Variants in PCNX2 observed in about 807,000 individuals in gnomAD.
The protein encoded by PCNX2 is pecanex 2.
A neutral mutation model predicts 223.8 loss-of-function variants in PCNX2; 168 were observed. The ratio of observed to expected loss-of-function variants is 0.75; its 90% CI spans 0.66 to 0.85. The LOEUF is 0.85. Ranked by LOEUF, PCNX2 falls within the 40% of genes least tolerant of loss-of-function variation. The pLI is 0.00. For missense variants in PCNX2, 2,507 were observed against 2,675.5 expected (o/e 0.94, Z 1.39); for synonymous variants, 1,006 against 1,052.6 (o/e 0.96, Z 0.86).
intron 10 of PCNX2, among the ~76,000 whole-genome samples, chr1:233,224,228 C>A (rs541799920): frequency 6.6e-6 from 1 of 152,086 alleles, no homozygotes; most frequent in Non-Finnish European, 1.5e-5. Flanking sequence ...GAAAATAAAC[C>A]CTCAGTGTTT....
the PCNX2 span, among the ~76,000 whole-genome samples, chr1:233,308,228 G>A: frequency 6.6e-6 from 1 of 152,066 alleles, no homozygotes; most frequent in Non-Finnish European, 1.5e-5. Flanking sequence ...AGGCCGAGAC[G>A]GGCAGATCAT....
At position 233,253,169 on chromosome 1, in the gene PCNX2, A is replaced by G. The variant is rs996455540; in HGVS notation, c.1835-381T>C. ...ATAACTTCAGATTTTAAAAAATTAC[A>G]AAAACAAATCTGGCTATTTCAGAAC... On this transcript the variant is annotated intron_variant, in intron 5 of 33. Coordinates refer to ENST00000258229, the MANE Select transcript of PCNX2 (RefSeq NM_014801.4). The surrounding 1 kb of genome is among the most constrained non-coding windows in gnomAD (Gnocchi z 4.2). 5.9e-5 allele frequency among the ~76,000 whole-genome samples: 9 copies of G among 152,376 alleles called. No homozygotes were observed. In the East Asian group the frequency reaches 1.5e-3, roughly 26 times the overall value.
intron 27 of PCNX2, among the ~76,000 whole-genome samples, chr1:233,015,011 C>T (rs1670601111): frequency 6.6e-6 from 1 of 152,128 alleles, no homozygotes; most frequent in Non-Finnish European, 1.5e-5. Flanking sequence ...AAAGGGCCTA[C>T]AATGTGGGCT....
intron 1 of PCNX2, among the ~76,000 whole-genome samples, chr1:233,273,608 A>G (rs1390271381): frequency 6.6e-6 from 1 of 151,272 alleles, no homozygotes; most frequent in African/African-American, 2.4e-5. Context: ...GTGGTTTTCA[A>G]TAAAAGAGAA....
intron 25 of PCNX2, 88 bp from the exon 26 acceptor site, chr1:233,025,487 G>C: frequency 1.3e-6 from 2 of 1,521,106 alleles, no homozygotes; most frequent in Non-Finnish European, 1.8e-6. Flanking sequence ...TTCATCAGAG[G>C]GGAAGAGGCT....
chr1:233,221,189 G>A (rs970550106), intron 10 of PCNX2, among the ~76,000 whole-genome samples: 2 of 88,604 alleles, frequency 2.3e-5, no homozygotes, highest in Non-Finnish European at 4.6e-5. Context: ...GGCTCAAGTT[G>A]AATTTTTTTT....
chr1:233,222,584 G>A (rs1657448067), intron 10 of PCNX2, among the ~76,000 whole-genome samples: 1 of 152,110 alleles, frequency 6.6e-6, no homozygotes, highest in Admixed American at 6.5e-5. Context: ...GATAGAAGCA[G>A]GGAAGATGCT....
At position 233,139,936 on chromosome 1, in the gene PCNX2, T is replaced by TC; in HGVS notation, c.3518-82dup. On this transcript the variant is annotated intron_variant, in intron 19 of 33. Coordinates refer to ENST00000258229, the MANE Select transcript of PCNX2 (RefSeq NM_014801.4). The surrounding 1 kb of genome is among the most constrained non-coding windows in gnomAD (Gnocchi z 4.4). The stretch of plus-strand genomic sequence containing the variant: ...AAGTACAGGTAATAATAAGTAATAT[T>TC]CCCCCCCTTTAATTCAAAAGCTGCT... The TC allele has an allele frequency of 6.8e-6, 10 of 1,473,418 alleles. 1 individual carries two copies. Among genetic ancestry groups the TC allele is most frequent in the South Asian group, 4.1e-5 (3 of 72,730 alleles). 91.3% of individuals were successfully genotyped at this position (1,473,418 alleles called of 1,614,324 possible).
chr1:233,129,391 C>T (rs1164626253), intron 21 of PCNX2, among the ~76,000 whole-genome samples: 1 of 152,214 alleles, frequency 6.6e-6, no homozygotes, highest in Non-Finnish European at 1.5e-5. Flanking sequence ...GCTTCCCCCA[C>T]CCCGCCCCGC....
At chr1:233,128,630 C>T (rs908649569) in intron 21 of PCNX2, among the ~76,000 whole-genome samples, 3 of 152,140 alleles carry the variant, frequency 2.0e-5, no homozygotes, top group Non-Finnish European at 2.9e-5. Flanking sequence ...CCACTGTGCC[C>T]GGCCAACTAT....
intron 21 of PCNX2, among the ~76,000 whole-genome samples, chr1:233,130,604 C>T (rs1212142176): frequency 6.6e-6 from 1 of 151,874 alleles, no homozygotes. Flanking sequence ...CCTGCCTCAG[C>T]CTCCTGAGTA....
chr1:233,290,056 A>G (rs537607500), intron 1 of PCNX2, among the ~76,000 whole-genome samples: 2 of 151,122 alleles, frequency 1.3e-5, no homozygotes, highest in East Asian at 3.9e-4. Context: ...GGAGGAAGGA[A>G]GGGTGGTCAA....
intron 21 of PCNX2, among the ~76,000 whole-genome samples, chr1:233,129,131 G>A (rs1212154369): frequency 4.1e-5 from 6 of 144,772 alleles, no homozygotes; most frequent in Admixed American, 6.9e-5. Flanking sequence ...AGGGAGAGGC[G>A]TGGGCGGGAA....
intron 20 of PCNX2, among the ~76,000 whole-genome samples, chr1:233,136,995 T>C (rs775084625): frequency 5.9e-5 from 9 of 152,224 alleles, no homozygotes; most frequent in Middle Eastern, 3.2e-3. Flanking sequence ...CTGTGGGAGA[T>C]CTTAAGGACT....
the PCNX2 span, among the ~76,000 whole-genome samples, chr1:233,318,569 T>C: frequency 3.2e-4 from 43 of 133,364 alleles, no homozygotes; most frequent in Middle Eastern, 4.4e-3. Flanking sequence ...TTTTCTTTTT[T>C]TTTTTTTTTT....
chr1:233,121,898 G>A (rs1675816933), intron 21 of PCNX2, among the ~76,000 whole-genome samples: 1 of 152,126 alleles, frequency 6.6e-6, no homozygotes, highest in Non-Finnish European at 1.5e-5. Flanking sequence ...TTTCAGCTGA[G>A]AATGCCTAGA....
rs1228688959 is a variant in PCNX2, at chr1:233,254,739, G to A, written c.1835-1951C>T. On this transcript the variant is annotated intron_variant, in intron 5 of 33. Coordinates refer to ENST00000258229, the MANE Select transcript of PCNX2 (RefSeq NM_014801.4). ...TTTACAAAAATGAAGTCATAATGCA[G>A]GTATGGTTTTATACCTATATTTATC... Among the ~76,000 whole-genome samples, 8 of 149,880 alleles carry A rather than the reference G, an allele frequency of 5.3e-5. No individual in the cohort carries two copies. The South Asian group carries it at 6.3e-4, about 12-fold the overall frequency.
chr1:233,233,412 C>T (rs567874486), intron 9 of PCNX2, among the ~76,000 whole-genome samples: 30 of 147,392 alleles, frequency 2.0e-4, no homozygotes, highest in Non-Finnish European at 2.5e-4. Context: ...TGAAAAATAA[C>T]CTCCTCTTCT....
rs972709313 is a variant in PCNX2, at chr1:233,141,941, G to A, written c.3518-2086C>T. 2.0e-5 allele frequency among the ~76,000 whole-genome samples: 3 copies of A among 152,126 alleles called. No homozygotes were observed. In the South Asian group the frequency reaches 6.2e-4, roughly 32 times the overall value. On this transcript the variant is annotated intron_variant, in intron 19 of 33. Transcript: ENST00000258229. ...TTATCAGTACAAACACTCCAACAAT[G>A]AGCTTAATAAATAGAAGAGACAATG...
Sources: gnomAD v4.1 joint callset for allele counts (sites outside exome capture counted in the v4.1 genomes callset) on GRCh38, gnomAD v4.1.1 for gene constraint, Gnocchi (gnomAD v3.1) non-coding constraint, MANE v1.5 for transcripts, NCBI Gene and HGNC (gene_info 2026-07-23, HGNC 2026-07-21) for gene names.